KDM3A: variants seen among roughly 807,000 people sequenced by gnomAD.
KDM3A encodes lysine-specific demethylase 3A.
In KDM3A, 60 loss-of-function variants were observed where a neutral mutation model predicts 158.0. The observed-to-expected ratio is 0.38, with a 90% CI of 0.31 to 0.47. The LOEUF is 0.47. KDM3A is among the 20% of genes least tolerant of loss of function. The probability of loss-of-function intolerance (pLI) is 0.99; values close to 1 mark genes in which losing one functional copy is unlikely to be tolerated. For missense variants in KDM3A, 1,319 were observed against 1,574.3 expected (o/e 0.84, Z 2.74); for synonymous variants, 608 against 549.3 (o/e 1.11, Z -1.49).
At position 86,476,334 on chromosome 2, in the gene KDM3A, G is replaced by C. The variant is rs557759648; in HGVS notation, c.1939+1344G>C. On this transcript the variant is annotated intron_variant, in intron 12 of 25. Transcript: ENST00000312912. ...TGATGGCTTTTTCTTTGATAAAGAT[G>C]AGTCATCTAAAAAATGTTTTTTTCA... Among the ~76,000 whole-genome samples, 4 of 131,152 alleles carry C rather than the reference G, an allele frequency of 3.0e-5. 1 individual carries two copies. The South Asian group carries it at 9.9e-4, about 32-fold the overall frequency. The allele number at this position is 131,152 out of a possible 152,430, so 86.0% of individuals were successfully genotyped here.
In KDM3A at chr2:86,449,881, A is replaced by T. The variant is rs767344324; in HGVS notation, c.261A>T (p.Ala87=). The part of the protein sequence containing the change: ...WIEVYSLLRR[A]FLVEHNLVLA... ...AAGTCTACAGCCTTCTAAGGAGAGC[A>T]TTTTTAGTAGAACATAATTTGGTTT... Residue 87 remains alanine (A), a synonymous_variant, in exon 3 of 26, where the codon GCA becomes GCT. Coordinates refer to ENST00000312912, the MANE Select transcript of KDM3A (RefSeq NM_018433.6). 1 of 1,613,892 alleles carries T rather than the reference A, an allele frequency of 6.2e-7. No individual in the cohort carries two copies. The highest frequency in any genetic ancestry group is 2.2e-5 in the East Asian group (1 of 44,878).
chr2:86,464,110 C>T lies in KDM3A; in HGVS notation c.901C>T (p.Leu301=), dbSNP rs1201080741. ...SVPTTVFKEI[L]LGCTAATPPS... The stretch of plus-strand genomic sequence containing the variant: ...ACCTACAACAGTTTTTAAGGAGATA[C>T]TGCTTGGCTGTACTGCGGCAACTCC... The change falls in exon 9 of 26, where the codon CTG becomes TTG. Residue 301 remains leucine (L), a synonymous_variant. Transcript: ENST00000312912. 12 of 1,612,908 alleles carry T rather than the reference C, an allele frequency of 7.4e-6. No individual in the cohort carries two copies. The highest frequency in any genetic ancestry group is 4.4e-5 in the South Asian group (4 of 91,022).
intron 4 of KDM3A, among the ~76,000 whole-genome samples, chr2:86,454,807 G>A (rs776633096): frequency 1.2e-4 from 18 of 152,226 alleles, no homozygotes; most frequent in Non-Finnish European, 2.2e-4. Flanking sequence ...GCCAAAGTTA[G>A]TCATTTTTAA....
At chr2:86,450,981 T>C (rs1400379577) in intron 3 of KDM3A, 122 bp from the exon 4 acceptor site, 6 of 585,760 alleles carry the variant, frequency 1.0e-5, no homozygotes, top group Non-Finnish European at 1.8e-5. Context: ...TGAGATAACT[T>C]GCAGTAAATA....
At chr2:86,471,345 ATATGTGTGTGTG>A (rs1040987826) in intron 11 of KDM3A, among the ~76,000 whole-genome samples, 3 of 150,510 alleles carry the variant, frequency 2.0e-5, no homozygotes, top group Non-Finnish European at 4.4e-5. Flanking sequence ...ATATATGTAT[ATATGTGTGTGTG>A]TATATGTGTA....
rs773971865 is a variant in KDM3A, at chr2:86,449,874, G to A, written c.254G>A (p.Arg85Lys). Reference protein sequence around the residue: ...RRWIEVYSLLRRAFLVEHNLV... With the variant: ...RRWIEVYSLLKRAFLVEHNLV... ...TGGATAGAAGTCTACAGCCTTCTAA[G>A]GAGAGCATTTTTAGTAGAACATAAT... The change falls in exon 3 of 26, where the codon AGG becomes AAG. Residue 85 changes from arginine (R) to lysine (K), a missense_variant. By Grantham distance (26) the Arg-to-Lys change is conservative. Coordinates refer to ENST00000312912, the MANE Select transcript of KDM3A (RefSeq NM_018433.6). The A allele has an allele frequency of 1.9e-6, 3 of 1,613,822 alleles. No homozygotes were observed. Among genetic ancestry groups the A allele is most frequent in the Non-Finnish European group, 2.5e-6 (3 of 1,179,816 alleles).
At chr2:86,478,081 G>A (rs775298327) in intron 13 of KDM3A, 52 bp downstream of exon 13, 1 of 1,610,452 alleles carries the variant, frequency 6.2e-7, no homozygotes, top group Admixed American at 1.7e-5. Flanking sequence ...TAAATCAAGT[G>A]TTTTTGTTGA....
intron 4 of KDM3A, among the ~76,000 whole-genome samples, chr2:86,451,518 A>C (rs1459890944): frequency 1.3e-5 from 2 of 152,238 alleles, no homozygotes; most frequent in African/African-American, 4.8e-5. Flanking sequence ...GAATACATTT[A>C]GTATTCATTA....
At chr2:86,465,553 G>A (rs1417650927) in intron 9 of KDM3A, among the ~76,000 whole-genome samples, 3 of 151,938 alleles carry the variant, frequency 2.0e-5, no homozygotes, top group Admixed American at 6.6e-5. Flanking sequence ...GACTACAGGC[G>A]CGTGCCACCA....
intron 4 of KDM3A, among the ~76,000 whole-genome samples, chr2:86,453,385 G>GCTCT (rs1234248112): frequency 6.6e-6 from 1 of 152,104 alleles, no homozygotes; most frequent in African/African-American, 2.4e-5. Context: ...TAGGATACTT[G>GCTCT]CTCTAGATAA....
At chr2:86,485,109 A>T in intron 20 of KDM3A, 80 bp downstream of exon 20, 1 of 816,534 alleles carries the variant, frequency 1.2e-6, no homozygotes, top group East Asian at 2.6e-5. Context: ...GTGAGAAAAC[A>T]GTTTTCAAGA....
intron 2 of KDM3A, among the ~76,000 whole-genome samples, chr2:86,446,042 G>A (rs1461114831): frequency 6.6e-6 from 1 of 152,218 alleles, no homozygotes; most frequent in Non-Finnish European, 1.5e-5. Context: ...GGTGAGATGA[G>A]AGTATGGTAA....
At chr2:86,481,160 T>C (rs1168238704) in intron 16 of KDM3A, among the ~76,000 whole-genome samples, 2 of 152,326 alleles carry the variant, frequency 1.3e-5, no homozygotes, top group African/African-American at 4.8e-5. Context: ...AAAAAACTTC[T>C]TAAATTAAGA....
intron 9 of KDM3A, among the ~76,000 whole-genome samples, chr2:86,465,386 G>GT (rs112192028): frequency 3.0e-4 from 46 of 151,560 alleles, no homozygotes; most frequent in African/African-American, 9.2e-4. Flanking sequence ...CAGTTTGTTA[G>GT]TTTTTTTTTA....
At chr2:86,487,154 T>G (rs3755002) in intron 21 of KDM3A, 1 of 152,014 alleles carries the variant, frequency 6.6e-6, no homozygotes, top group Non-Finnish European at 1.5e-5. Context: ...ATAGAAATCC[T>G]GAAGCTTTAA....
intron 16 of KDM3A, among the ~76,000 whole-genome samples, chr2:86,480,582 G>C (rs1294869172): frequency 6.6e-6 from 1 of 152,206 alleles, no homozygotes; most frequent in South Asian, 2.1e-4. Flanking sequence ...CTGTGTTACA[G>C]AAGAGAAGAA....
chr2:86,466,248 A>G (rs1259544184), intron 9 of KDM3A, 124 bp from the exon 10 acceptor site: 3 of 960,458 alleles, frequency 3.1e-6, no homozygotes, highest in Non-Finnish European at 4.7e-6. Context: ...ATTCTGTAAC[A>G]TATGAGAAAT....
Position 86,477,859 on chromosome 2 carries a change from A to G in KDM3A, c.1940-18A>G. 1 of 1,584,414 alleles carries G rather than the reference A, an allele frequency of 6.3e-7. No homozygotes were observed. The highest frequency in any genetic ancestry group is 8.6e-7 in the Non-Finnish European group (1 of 1,162,050). On this transcript the variant is annotated intron_variant, in intron 12 of 25. Transcript: ENST00000312912. Reference sequence around the variant, plus strand: ...GCCCTCTCCTTCCAAAGACTAAGTGATTTACTGATTTTTGCAGGACAGGTT... The same window carrying G: ...GCCCTCTCCTTCCAAAGACTAAGTGGTTTACTGATTTTTGCAGGACAGGTT...
chr2:86,470,608 TAAC>T (rs1183719394), intron 11 of KDM3A, among the ~76,000 whole-genome samples, 200 bp downstream of exon 11: 2 of 152,208 alleles, frequency 1.3e-5, no homozygotes, highest in African/African-American at 2.4e-5. Context: ...TTTTTTAAAG[TAAC>T]AAAGCTTAAA....
Sources: allele counts gnomAD v4.1 joint callset (sites outside exome capture counted in the v4.1 genomes callset), GRCh38; gene constraint gnomAD v4.1.1; transcripts MANE v1.5; gene names NCBI Gene and HGNC (gene_info 2026-07-23, HGNC 2026-07-21).